Variants in USP40 observed in about 807,000 individuals in gnomAD.
USP40 encodes the protein ubiquitin carboxyl-terminal hydrolase 40.
In USP40, 143 loss-of-function variants were observed where a neutral mutation model predicts 166.2. The observed-to-expected ratio is 0.86, with a 90% CI of 0.75 to 0.99. The LOEUF (loss-of-function observed/expected upper bound fraction) is 0.99. USP40 is among the 50% of genes least tolerant of loss of function. The pLI, the probability that USP40 is intolerant of heterozygous loss-of-function variation, is 0.00. For missense variants in USP40, 1,444 were observed against 1,479.7 expected (o/e 0.98, Z 0.40); for synonymous variants, 498 against 524.0 (o/e 0.95, Z 0.68).
chr2:233,560,964 G>A (rs1030486013), intron 3 of USP40: 2 of 726,312 alleles, frequency 2.8e-6, no homozygotes, highest in African/African-American at 3.5e-5. Flanking sequence ...TAGCAGTATT[G>A]TACTTGGAAA....
intron 10 of USP40, 78 bp from the exon 11 acceptor site, chr2:233,533,857 CT>C (rs961589610): frequency 2.9e-5 from 39 of 1,357,150 alleles, no homozygotes; most frequent in Non-Finnish European, 3.8e-5. Flanking sequence ...TGTTTTCTTC[CT>C]TTCTGTGATT....
At chr2:233,526,034 A>C (rs1364712598) in intron 13 of USP40, among the ~76,000 whole-genome samples, 1 of 152,188 alleles carries the variant, frequency 6.6e-6, no homozygotes, top group Non-Finnish European at 1.5e-5. Flanking sequence ...AGTTTACTTA[A>C]TAGATTACCA....
At chr2:233,529,145 T>C (rs1359486691) in intron 12 of USP40, among the ~76,000 whole-genome samples, 1 of 152,228 alleles carries the variant, frequency 6.6e-6, no homozygotes, top group African/African-American at 2.4e-5. Context: ...ATACAATTCA[T>C]TCAGCCCAAC....
In USP40 at chr2:233,523,160, A is replaced by T. The variant is rs779155216; in HGVS notation, c.2201+10T>A. On this transcript the variant is annotated intron_variant, in intron 16 of 31. Transcript: ENST00000678225. ...TTTTAGAAATCCTTTTTCTCTTGTTAGCGAGTTACCTGTTATCATCATGAG... is the reference window on the plus strand; with the variant it reads ...TTTTAGAAATCCTTTTTCTCTTGTTTGCGAGTTACCTGTTATCATCATGAG... 2 of 1,591,110 alleles carry T rather than the reference A, an allele frequency of 1.3e-6. No individual in the cohort carries two copies. The highest frequency in any genetic ancestry group is 1.7e-5 in the Admixed American group (1 of 57,310).
At chr2:233,501,018 A>G (rs143550832) in intron 21 of USP40, among the ~76,000 whole-genome samples, 16 of 152,218 alleles carry the variant, frequency 1.1e-4, no homozygotes, top group African/African-American at 3.9e-4. Flanking sequence ...ATCCATGATT[A>G]CTTGTATGAC....
chr2:233,482,600 T>G (rs990748367), intron 30 of USP40, among the ~76,000 whole-genome samples: 2 of 151,332 alleles, frequency 1.3e-5, no homozygotes, highest in African/African-American at 4.9e-5. Flanking sequence ...TTTTTGTTTT[T>G]TTTTTTTTGA....
chr2:233,556,721 A>G (rs1350271843), intron 5 of USP40, 134 bp downstream of exon 5: 1 of 793,036 alleles, frequency 1.3e-6, no homozygotes, highest in Non-Finnish European at 1.8e-6. Context: ...AGGTGTAGTT[A>G]GAAGAAAAAA....
intron 17 of USP40, 70 bp downstream of exon 17, chr2:233,520,921 G>T: frequency 1.3e-6 from 2 of 1,518,250 alleles, no homozygotes; most frequent in Non-Finnish European, 1.8e-6. Flanking sequence ...AAAGATTAAG[G>T]TATTGTTTTC....
chr2:233,517,289 G>A (rs1389014237), intron 18 of USP40, among the ~76,000 whole-genome samples: 1 of 150,686 alleles, frequency 6.6e-6, no homozygotes, highest in African/African-American at 2.5e-5. Context: ...ACTAAAAGTA[G>A]AACTACCATT....
In USP40 at chr2:233,527,569, A is replaced by T. The variant is rs946720858; in HGVS notation, c.1563T>A (p.Cys521Ter). 2 of 1,607,784 alleles carry T rather than the reference A, an allele frequency of 1.2e-6. No individual in the cohort carries two copies. The highest frequency in any genetic ancestry group is 1.3e-5 in the African/African-American group (1 of 74,606). The part of the protein sequence containing the change: ...NIELQTKRAE[C>*]DSANNTFELH... The stretch of plus-strand genomic sequence containing the variant: ...ATTCAAAAGTATTGTTTGCAGAATC[A>T]CATTCTGCCCTTTAAAGAGGCACAA... Residue 521 changes from cysteine to a stop codon, truncating the protein, a stop_gained, in exon 13 of 32, where the codon TGT becomes TGA. Coordinates refer to ENST00000678225, the MANE Select transcript of USP40 (RefSeq NM_001365479.2). LOFTEE classifies it high-confidence loss of function.
chr2:233,494,961 T>G (rs570187513), intron 24 of USP40, among the ~76,000 whole-genome samples: 1 of 59,758 alleles, frequency 1.7e-5, no homozygotes, highest in East Asian at 2.8e-4. Context: ...TATATTTATA[T>G]ATATATATAT....
rs2067961305 is a variant in USP40, at chr2:233,525,556, C to A, written c.1732G>T (p.Glu578Ter). The change falls in exon 14 of 32, where the codon GAA becomes TAA. Residue 578 changes from glutamate (E) to a stop codon, truncating the protein, a stop_gained. Transcript: ENST00000678225. LOFTEE classifies it high-confidence loss of function. ...DLRQSIFQLL[E>*]FWEGDMVLSV... is the part of the protein sequence containing the mutation. ...AGAACCATGTCTCCTTCCCAAAATT[C>A]TAACAGCTGAAGAATATTAATGAAG... 4 of 1,611,662 alleles carry A rather than the reference C, an allele frequency of 2.5e-6. No homozygotes were observed. The highest frequency in any genetic ancestry group is 3.4e-6 in the Non-Finnish European group (4 of 1,178,300).
intron 11 of USP40, among the ~76,000 whole-genome samples, chr2:233,530,466 A>G (rs1454931781): frequency 6.6e-6 from 1 of 152,222 alleles, no homozygotes; most frequent in Admixed American, 6.5e-5. Context: ...CAACATTCAT[A>G]TACAGCTCTG....
intron 9 of USP40, among the ~76,000 whole-genome samples, chr2:233,541,628 A>G (rs2069422241): frequency 6.6e-6 from 1 of 152,250 alleles, no homozygotes; most frequent in South Asian, 2.1e-4. Context: ...GATCAATATA[A>G]TTAAAGTACT....
chr2:233,565,711 G>A (rs543244015), intron 1 of USP40, 138 bp from the exon 2 acceptor site: 2 of 730,108 alleles, frequency 2.7e-6, no homozygotes, highest in Admixed American at 3.1e-5. Flanking sequence ...GTTGGGTTTT[G>A]GAGGCAGCAA....
At chr2:233,500,004 T>C in intron 21 of USP40, 89 bp from the exon 22 acceptor site, 1 of 1,016,244 alleles carries the variant, frequency 9.8e-7, no homozygotes, top group Non-Finnish European at 1.5e-6. Flanking sequence ...TAGGCCTATT[T>C]AAGTCTGACT....
At chr2:233,548,215 G>A (rs1383809787) in intron 8 of USP40, among the ~76,000 whole-genome samples, 3 of 152,098 alleles carry the variant, frequency 2.0e-5, no homozygotes, top group Non-Finnish European at 4.4e-5. Flanking sequence ...GAAGATCAAA[G>A]TTTTAAATGT....
At position 233,481,317 on chromosome 2, in the gene USP40, A is replaced by G; in HGVS notation, c.3505-20T>C. On this transcript the variant is annotated intron_variant, in intron 30 of 31. Coordinates refer to ENST00000678225, the MANE Select transcript of USP40 (RefSeq NM_001365479.2). ...GAGATTCTACATTTCAAAAGAAGTAATGAGCAGTGTTTTCTGACATCTTTT... is the reference window on the plus strand; with the variant it reads ...GAGATTCTACATTTCAAAAGAAGTAGTGAGCAGTGTTTTCTGACATCTTTT... The G allele has an allele frequency of 3.8e-6, 6 of 1,572,998 alleles. No homozygotes were observed. Among genetic ancestry groups the G allele is most frequent in the Non-Finnish European group, 5.2e-6 (6 of 1,156,290 alleles).
chr2:233,522,314 C>T (rs2067713783), intron 16 of USP40, among the ~76,000 whole-genome samples: 1 of 152,066 alleles, frequency 6.6e-6, no homozygotes, highest in Non-Finnish European at 1.5e-5. Context: ...TTTGTATTTC[C>T]CCAGTCCCAA....
Sources: allele counts gnomAD v4.1 joint callset (sites outside exome capture counted in the v4.1 genomes callset), GRCh38; gene constraint gnomAD v4.1.1; transcripts MANE v1.5; gene names NCBI Gene and HGNC (gene_info 2026-07-23, HGNC 2026-07-21).